The following JADE3 variants were observed in gnomAD, a reference collection of about 807,000 sequenced individuals.
JADE3 encodes jade family PHD finger 3.
Under a neutral mutation model 50.1 loss-of-function variants are expected in JADE3, and 2 were observed. The observed-to-expected ratio is 0.04, with a 90% CI of 0.02 to 0.13. The LOEUF (loss-of-function observed/expected upper bound fraction) is 0.13. JADE3 is among the 10% of genes least tolerant of loss of function. JADE3 has a pLI of 1.00. For synonymous variants in JADE3, 218 were observed against 232.9 expected, an observed-to-expected ratio of 0.94 and a Z score of 0.58; for missense variants, 475 against 634.4, an observed-to-expected ratio of 0.75 and a Z score of 2.70.
intron 4 of JADE3, among the ~76,000 whole-genome samples, chrX:47,006,688 C>T (rs1329768353): frequency 9.1e-6 from 1 of 109,450 alleles, no homozygotes; most frequent in Admixed American, 9.8e-5. Context: ...GCTTTTTTCT[C>T]GTTTCTAGTG....
At chrX:47,000,163 T>G (rs1316846505) in intron 4 of JADE3, among the ~76,000 whole-genome samples, 1 of 111,017 alleles carries the variant, frequency 9.0e-6, no homozygotes, top group Non-Finnish European at 1.9e-5. Context: ...CTCCACAGCC[T>G]TGCTCAGCAC....
chrX:46,922,049 C>T (rs1216813668), intron 1 of JADE3, among the ~76,000 whole-genome samples: 3 of 108,604 alleles, frequency 2.8e-5, no homozygotes, highest in Non-Finnish European at 5.7e-5. Flanking sequence ...AGGCACCTCT[C>T]CCAATGCTAT....
intron 1 of JADE3, among the ~76,000 whole-genome samples, chrX:46,964,404 G>A (rs1209138961): frequency 9.0e-6 from 1 of 111,608 alleles, no homozygotes; most frequent in Non-Finnish European, 1.9e-5. Context: ...CTCCTGAGCT[G>A]CCATGTAAGA....
At chrX:46,984,429 G>A (rs782015586) in intron 1 of JADE3, among the ~76,000 whole-genome samples, 5 of 112,324 alleles carry the variant, frequency 4.5e-5, no homozygotes, top group Non-Finnish European at 9.4e-5. Context: ...TGTTCTTAAA[G>A]GTGGATGTGC....
chrX:47,012,604 A>T (rs1449128891), intron 4 of JADE3, among the ~76,000 whole-genome samples: 1 of 109,564 alleles, frequency 9.1e-6, no homozygotes, highest in African/African-American at 3.3e-5. Flanking sequence ...TTTAATTGTG[A>T]TGAAGTCCAG....
intron 1 of JADE3, among the ~76,000 whole-genome samples, chrX:46,981,053 T>C (rs1225849740): frequency 9.0e-6 from 1 of 111,380 alleles, no homozygotes; most frequent in Non-Finnish European, 1.9e-5. Flanking sequence ...AAGAGTGTCC[T>C]CTAAAAGCTG....
chrX:47,026,598 G>T (rs1928913889), intron 5 of JADE3, among the ~76,000 whole-genome samples: 1 of 111,437 alleles, frequency 9.0e-6, no homozygotes, highest in African/African-American at 3.2e-5. Context: ...AGTATCTCAA[G>T]CTTTTCTTTA....
intron 1 of JADE3, among the ~76,000 whole-genome samples, chrX:46,929,131 C>A (rs1276439801): frequency 9.0e-6 from 1 of 111,436 alleles, no homozygotes; most frequent in Admixed American, 9.6e-5. Context: ...CTCATGATTC[C>A]TTGCCCACTT....
At chrX:47,040,737 A>G (rs782359654) in intron 8 of JADE3, among the ~76,000 whole-genome samples, 5 of 111,493 alleles carry the variant, frequency 4.5e-5, no homozygotes, top group African/African-American at 1.3e-4. Context: ...GGCTTTAGGG[A>G]TAATGACTCT....
chrX:46,979,827 C>T (rs1556352499), intron 1 of JADE3, among the ~76,000 whole-genome samples: 1 of 107,344 alleles, frequency 9.3e-6, no homozygotes, highest in Non-Finnish European at 1.9e-5. Flanking sequence ...TGTCTTTTCA[C>T]GGGCTTAAAT....
intron 1 of JADE3, among the ~76,000 whole-genome samples, chrX:46,946,630 A>G (rs1926889505): frequency 8.9e-6 from 1 of 112,165 alleles, no homozygotes; most frequent in African/African-American, 3.2e-5. Context: ...ATATATAGTG[A>G]AGATTCAACT....
At chrX:46,922,740 A>AT (rs782171545) in intron 1 of JADE3, among the ~76,000 whole-genome samples, 86 of 109,512 alleles carry the variant, frequency 7.9e-4, no homozygotes, top group Middle Eastern at 4.7e-3. Context: ...GGTCTTGCAT[A>AT]TTGTCTATTT....
chrX:47,002,234 T>C (rs1325235755), intron 4 of JADE3, among the ~76,000 whole-genome samples: 2 of 111,685 alleles, frequency 1.8e-5, no homozygotes, highest in Non-Finnish European at 1.9e-5. Flanking sequence ...AAGAGTTTTA[T>C]AGTTTTACAT....
At chrX:47,002,625 T>C (rs1242782822) in intron 4 of JADE3, among the ~76,000 whole-genome samples, 3 of 108,802 alleles carry the variant, frequency 2.8e-5, no homozygotes, top group Non-Finnish European at 5.7e-5. Flanking sequence ...TTTTGTGTGT[T>C]GATGTTGTGT....
intron 3 of JADE3, among the ~76,000 whole-genome samples, chrX:46,988,484 A>G (rs192410951): frequency 5.4e-5 from 6 of 111,792 alleles, no homozygotes; most frequent in African/African-American, 2.0e-4. Flanking sequence ...CAATAAGTAT[A>G]TAGTAAACAT....
At chrX:46,973,144 T>C (rs1280517770) in intron 1 of JADE3, among the ~76,000 whole-genome samples, 1 of 112,662 alleles carries the variant, frequency 8.9e-6, no homozygotes, top group Non-Finnish European at 1.9e-5. Flanking sequence ...TCCCAAATAA[T>C]TTGCTAACAA....
chrX:47,003,889 T>A (rs1412328268), intron 4 of JADE3, among the ~76,000 whole-genome samples: 14 of 102,583 alleles, frequency 1.4e-4, no homozygotes, highest in African/African-American at 4.9e-4. Flanking sequence ...TTTTTATATA[T>A]AAATTTATTA....
intron 1 of JADE3, among the ~76,000 whole-genome samples, chrX:46,972,267 C>T (rs1426792548): frequency 9.1e-6 from 1 of 110,353 alleles, no homozygotes; most frequent in Non-Finnish European, 1.9e-5. Flanking sequence ...ATGATCTTGG[C>T]TCACTGCGAC....
chrX:47,049,755 C>CTTTTTTT (rs536912145), intron 8 of JADE3, among the ~76,000 whole-genome samples: 6 of 55,882 alleles, frequency 1.1e-4, no homozygotes, highest in African/African-American at 2.7e-4. Context: ...TCTTCTTCTT[C>CTTTTTTT]TTTTTTTTTT....
Sources: allele counts gnomAD v4.1 joint callset (sites outside exome capture counted in the v4.1 genomes callset), GRCh38; gene constraint gnomAD v4.1.1; transcripts MANE v1.5; gene names NCBI Gene and HGNC (gene_info 2026-07-23, HGNC 2026-07-21).